KMT2C: variants seen among roughly 807,000 people sequenced by gnomAD.
KMT2C encodes the protein lysine methyltransferase 2C.
Under a neutral mutation model 507.9 loss-of-function variants are expected in KMT2C, and 88 were observed. That is an observed-to-expected ratio of 0.17 (90% CI 0.15 to 0.21). The LOEUF (loss-of-function observed/expected upper bound fraction) is 0.21, where lower values mean the gene tolerates loss of function less well. KMT2C is among the 10% of genes least tolerant of loss of function. KMT2C has a pLI of 1.00. For missense variants in KMT2C, 4,954 were observed against 5,957.8 expected (o/e 0.83, Z 5.55); for synonymous variants, 2,049 against 2,080.8 (o/e 0.98, Z 0.42).
chr7:152,154,238 G>A, intron 47 of KMT2C, 29 bp downstream of exon 47: 2 of 1,612,842 alleles, frequency 1.2e-6, no homozygotes, highest in Middle Eastern at 1.7e-4. Flanking sequence ...AGTGTAAAGG[G>A]AAATAATAAG....
At chr7:152,318,033 G>C (rs1376592406) in intron 3 of KMT2C, among the ~76,000 whole-genome samples, 1 of 152,064 alleles carries the variant, frequency 6.6e-6, no homozygotes, top group East Asian at 1.9e-4. Context: ...AGCTACTCGG[G>C]AGGCTGAGGC....
rs529304323 is a variant in KMT2C at position 152,215,036 on chromosome 7, A to G, written c.3712+5487T>C. Among the ~76,000 whole-genome samples the G allele has an allele frequency of 4.3e-4, 65 of 152,256 alleles. 1 individual carries two copies. Among genetic ancestry groups the G allele is most frequent in the South Asian group, 3.7e-3 (18 of 4,824 alleles). On this transcript the variant is annotated intron_variant, in intron 23 of 58. Transcript: ENST00000262189. Reference sequence around the variant, plus strand: ...AGTAATCATTTCACTATGTATACAAAGCATGTTGTATACCTCAGATATGTG... The same window carrying G: ...AGTAATCATTTCACTATGTATACAAGGCATGTTGTATACCTCAGATATGTG...
chr7:152,164,631 C>T (rs1306329257), intron 42 of KMT2C, among the ~76,000 whole-genome samples: 1 of 152,166 alleles, frequency 6.6e-6, no homozygotes, highest in African/African-American at 2.4e-5. Context: ...GCACGAATAT[C>T]ACACCCCCCA....
At position 152,368,513 on chromosome 7, in the gene KMT2C, A is replaced by G. The variant is rs116484463; in HGVS notation, c.162-9838T>C. 2,073 of 1,344,230 alleles carry G rather than the reference A, an allele frequency of 1.5e-3. 27 individuals carry two copies. In the African/African-American group the frequency reaches 0.027, roughly 18 times the overall value. The allele number at this position is 1,344,230 out of a possible 1,614,324, so 83.3% of individuals were successfully genotyped here. ...CAGTGGCGCCGTGAGCTAATGAAAAAGAATTTGGAAGCACAGCACAAAGAA... is the reference window on the plus strand; with the variant it reads ...CAGTGGCGCCGTGAGCTAATGAAAAGGAATTTGGAAGCACAGCACAAAGAA... On this transcript the variant is annotated intron_variant, in intron 1 of 58. Coordinates refer to ENST00000262189, the MANE Select transcript of KMT2C (RefSeq NM_170606.3).
intron 26 of KMT2C, among the ~76,000 whole-genome samples, chr7:152,200,327 A>G (rs2094096729): frequency 6.6e-6 from 1 of 152,104 alleles, no homozygotes; most frequent in Non-Finnish European, 1.5e-5. Context: ...AGACACTTAT[A>G]TTACAAAATA....
In KMT2C at chr7:152,206,030, G is replaced by A. The variant is rs547889956; in HGVS notation, c.3842-805C>T. ...TGTGTTTAACAGCATGGAATCTGGAGTCAGACTATGTAATTCTGCTTACTA... is the reference window on the plus strand; with the variant it reads ...TGTGTTTAACAGCATGGAATCTGGAATCAGACTATGTAATTCTGCTTACTA... On this transcript the variant is annotated intron_variant, in intron 24 of 58. Transcript: ENST00000262189. Among the ~76,000 whole-genome samples the A allele has an allele frequency of 3.0e-4, 45 of 152,270 alleles. 2 individuals carry two copies. In the South Asian group the frequency reaches 5.2e-3, roughly 18 times the overall value.
intron 23 of KMT2C, among the ~76,000 whole-genome samples, chr7:152,218,458 A>C (rs1346283339): frequency 1.3e-5 from 2 of 152,042 alleles, no homozygotes; most frequent in African/African-American, 2.4e-5. Context: ...GGCATGAGCC[A>C]CCGAGCCCGG....
intron 6 of KMT2C, among the ~76,000 whole-genome samples, chr7:152,306,579 A>G (rs1194496675): frequency 6.6e-6 from 1 of 152,212 alleles, no homozygotes; most frequent in Non-Finnish European, 1.5e-5. Context: ...AATTAATAAC[A>G]TTAAGTAATA....
chr7:152,323,750 G>C (rs1359744670), intron 3 of KMT2C, among the ~76,000 whole-genome samples: 2 of 142,848 alleles, frequency 1.4e-5, no homozygotes, highest in Admixed American at 1.4e-4. Context: ...AAGGAAAAAA[G>C]AGGGAGGGAA....
chr7:152,232,484 C>T (rs957072365), intron 16 of KMT2C, among the ~76,000 whole-genome samples: 13 of 152,072 alleles, frequency 8.5e-5, no homozygotes, highest in Non-Finnish European at 4.4e-5. Flanking sequence ...AGTCTATGGG[C>T]ATATATAATA....
At chr7:152,170,153 A>T (rs2129107639) in intron 40 of KMT2C, among the ~76,000 whole-genome samples, 1 of 152,372 alleles carries the variant, frequency 6.6e-6, no homozygotes, top group Middle Eastern at 3.4e-3. Flanking sequence ...GAATTTGCCC[A>T]AAGTTGCACA....
chr7:152,322,726 T>TAAGAA (rs1049296956), intron 3 of KMT2C, among the ~76,000 whole-genome samples: 1 of 151,908 alleles, frequency 6.6e-6, no homozygotes, highest in African/African-American at 2.4e-5. Context: ...CCAAGCTCCT[T>TAAGAA]ACGGCAAATG....
intron 1 of KMT2C, among the ~76,000 whole-genome samples, chr7:152,362,208 C>A (rs540591210): frequency 1.3e-5 from 2 of 152,194 alleles, no homozygotes; most frequent in South Asian, 2.1e-4. Flanking sequence ...CACTTTAGCA[C>A]AGAACTGAAG....
chr7:152,197,248 A>G (rs2093990543), intron 27 of KMT2C, among the ~76,000 whole-genome samples: 1 of 152,180 alleles, frequency 6.6e-6, no homozygotes, highest in African/African-American at 2.4e-5. Context: ...AAGGGAAAGA[A>G]AAGTCAAGGA....
chr7:152,136,608 G>A lies in KMT2C; in HGVS notation c.*224C>T. ...AAAAGCAAAAGTGCTGGACCATTCT[G>A]TGATTCCGTTTAACCTCGGCCACTT... is the stretch of plus-strand genomic sequence containing the variant. On this transcript the variant is annotated 3_prime_UTR_variant, in exon 59 of 59. Coordinates refer to ENST00000262189, the MANE Select transcript of KMT2C (RefSeq NM_170606.3). The A allele has an allele frequency of 1.9e-6, 1 of 526,880 alleles. No homozygotes were observed. Among genetic ancestry groups the A allele is most frequent in the Non-Finnish European group, 3.4e-6 (1 of 295,972 alleles). 32.6% of individuals were successfully genotyped at this position (526,880 alleles called of 1,614,324 possible).
chr7:152,216,938 A>G (rs1413166421), intron 23 of KMT2C, among the ~76,000 whole-genome samples: 4 of 152,202 alleles, frequency 2.6e-5, no homozygotes, highest in African/African-American at 4.8e-5. Flanking sequence ...GGTGCCTGGC[A>G]TGCATCCTTG....
At chr7:152,320,974 C>T (rs1429479758) in intron 3 of KMT2C, among the ~76,000 whole-genome samples, 1 of 151,980 alleles carries the variant, frequency 6.6e-6, no homozygotes, top group Non-Finnish European at 1.5e-5. Context: ...TGGCTCATGC[C>T]TATAATTCCA....
chr7:152,426,149 T>C (rs1356371132), intron 1 of KMT2C, among the ~76,000 whole-genome samples: 3 of 151,928 alleles, frequency 2.0e-5, no homozygotes, highest in African/African-American at 7.2e-5. Context: ...TTCTATATAT[T>C]GGGGACATCT....
chr7:152,420,550 G>T (rs192051937), intron 1 of KMT2C, among the ~76,000 whole-genome samples: 160 of 152,220 alleles, frequency 1.1e-3, no homozygotes, highest in Middle Eastern at 6.8e-3. Flanking sequence ...ATTCAACAAA[G>T]GCCTGGCCTG....
Sources: gnomAD v4.1 joint callset for allele counts (sites outside exome capture counted in the v4.1 genomes callset) on GRCh38, gnomAD v4.1.1 for gene constraint, MANE v1.5 for transcripts, NCBI Gene and HGNC (gene_info 2026-07-23, HGNC 2026-07-21) for gene names.